SHOC2: variants seen among roughly 807,000 people sequenced by gnomAD.
The protein encoded by SHOC2 is SHOC2 leucine rich repeat scaffold protein, also known as leucine-rich repeat protein SHOC-2.
A neutral mutation model predicts 50.2 loss-of-function variants in SHOC2; 4 were observed. The ratio of observed to expected loss-of-function variants is 0.08; its 90% CI spans 0.04 to 0.18. The LOEUF (loss-of-function observed/expected upper bound fraction) is 0.18. SHOC2 is among the 10% of genes least tolerant of loss of function. The pLI is 1.00. For synonymous variants in SHOC2, 218 were observed against 244.5 expected (o/e 0.89, Z 1.01); for missense variants, 388 against 669.6 (o/e 0.58, Z 4.64).
Position 110,976,507 on chromosome 10 carries a change from T to TA in SHOC2, c.704-9120dup, listed in dbSNP as rs1432849018. 2.6e-5 allele frequency among the ~76,000 whole-genome samples: 4 copies of TA among 152,120 alleles called. No individual in the cohort carries two copies. In the East Asian group the frequency reaches 7.7e-4, roughly 29 times the overall value. ...TGTATCTTTTGTAGAGGCAGGGTCTTACCATATTGCCCAGAGTGGTCTTTA... is the reference window on the plus strand; with the variant it reads ...TGTATCTTTTGTAGAGGCAGGGTCTTAACCATATTGCCCAGAGTGGTCTTTA... On this transcript the variant is annotated intron_variant, in intron 2 of 8. Coordinates refer to ENST00000369452, the MANE Select transcript of SHOC2 (RefSeq NM_007373.4).
intron 3 of SHOC2, among the ~76,000 whole-genome samples, chr10:110,988,110 TAA>T (rs1203046921): frequency 6.6e-6 from 1 of 152,104 alleles, no homozygotes; most frequent in Non-Finnish European, 1.5e-5. Flanking sequence ...AGAAATAAAT[TAA>T]AAAGTTACAT....
At chr10:110,938,211 G>C (rs1430556466) in intron 1 of SHOC2, among the ~76,000 whole-genome samples, 14 of 152,072 alleles carry the variant, frequency 9.2e-5, no homozygotes, top group Admixed American at 9.2e-4. Context: ...TCTCTGATTT[G>C]AACATATTCT....
intron 2 of SHOC2, among the ~76,000 whole-genome samples, chr10:110,979,652 C>G (rs923790604): frequency 2.0e-5 from 3 of 152,178 alleles, no homozygotes; most frequent in African/African-American, 7.2e-5. Context: ...GATGTTAAAT[C>G]CAGCTTTCTC....
chr10:110,937,474 T>G (rs1847049570), intron 1 of SHOC2, among the ~76,000 whole-genome samples: 1 of 152,214 alleles, frequency 6.6e-6, no homozygotes, highest in Non-Finnish European at 1.5e-5. Flanking sequence ...TCACTGTATT[T>G]AGTAGACCCT....
At chr10:110,959,155 A>C (rs1847526411) in intron 1 of SHOC2, among the ~76,000 whole-genome samples, 2 of 152,260 alleles carry the variant, frequency 1.3e-5, no homozygotes, top group Non-Finnish European at 2.9e-5. Flanking sequence ...ACCAGAAAGC[A>C]ATGAAGAGCA....
chr10:110,919,665 G>C lies in SHOC2; in HGVS notation c.-235+8G>C. The stretch of plus-strand genomic sequence containing the variant: ...GAGTCGGGGCTCCTGACGGTAACTC[G>C]GGGCCGATGAGGCGGAGGGTGTCTG... On this transcript the variant is annotated splice_region_variant and intron_variant, in intron 1 of 8. Coordinates refer to ENST00000369452, the MANE Select transcript of SHOC2 (RefSeq NM_007373.4). 1 of 398,828 alleles carries C rather than the reference G, an allele frequency of 2.5e-6. No homozygotes were observed. The highest frequency in any genetic ancestry group is 4.4e-6 in the Non-Finnish European group (1 of 226,332). The allele number at this position is 398,828 out of a possible 1,614,324, so 24.7% of individuals were successfully genotyped here. A position where few individuals can be genotyped will look rare whatever the true frequency, so the allele number is the denominator to read the frequency against.
chr10:110,990,551 C>T (rs1191909330), intron 3 of SHOC2, among the ~76,000 whole-genome samples: 1 of 151,966 alleles, frequency 6.6e-6, no homozygotes, highest in African/African-American at 2.4e-5. Flanking sequence ...TTGTATCTAG[C>T]TCAGGGATTG....
chr10:110,981,833 A>G (rs1158690944), intron 2 of SHOC2, among the ~76,000 whole-genome samples: 2 of 147,430 alleles, frequency 1.4e-5, no homozygotes, highest in Non-Finnish European at 3.0e-5. Context: ...ATATTGTTGA[A>G]TTCAGTTTTC....
chr10:110,936,685 C>T (rs1450806535), intron 1 of SHOC2: 18 of 931,664 alleles, frequency 1.9e-5, no homozygotes, highest in Admixed American at 4.2e-5. Context: ...TCTCCATGTT[C>T]CTCTTGGCCT....
At chr10:110,942,637 A>G (rs189910317) in intron 1 of SHOC2, among the ~76,000 whole-genome samples, 1 of 152,270 alleles carries the variant, frequency 6.6e-6, no homozygotes, top group Admixed American at 6.5e-5. Flanking sequence ...ATACCAGGCT[A>G]CCTCTCTGTA....
At chr10:110,986,034 A>G in intron 3 of SHOC2, 1 of 349,870 alleles carries the variant, frequency 2.9e-6, no homozygotes, top group South Asian at 3.5e-5. Flanking sequence ...TTGAATTGCA[A>G]AATGGGTGGC....
chr10:110,976,906 C>A (rs1847888833), intron 2 of SHOC2, among the ~76,000 whole-genome samples: 1 of 152,024 alleles, frequency 6.6e-6, no homozygotes, highest in Admixed American at 6.5e-5. Flanking sequence ...TTAGACTTTA[C>A]ATTTTAAGTC....
chr10:111,002,887 A>G (rs1848404991), intron 4 of SHOC2, among the ~76,000 whole-genome samples: 1 of 152,174 alleles, frequency 6.6e-6, no homozygotes. Flanking sequence ...CAGTATTAAC[A>G]TTTTATCATA....
At chr10:110,968,082 CAGCAGTG>C in intron 2 of SHOC2, among the ~76,000 whole-genome samples, 1 of 152,260 alleles carries the variant, frequency 6.6e-6, no homozygotes, top group East Asian at 1.9e-4. Flanking sequence ...ACATTCCTAC[CAGCAGTG>C]TTTGAGGGTT....
intron 2 of SHOC2, among the ~76,000 whole-genome samples, chr10:110,967,783 T>C (rs1445371975): frequency 6.6e-6 from 1 of 152,210 alleles, no homozygotes; most frequent in Non-Finnish European, 1.5e-5. Context: ...CTCATCAAGG[T>C]TGTAGCATGT....
chr10:110,947,225 G>T (rs1415353213), intron 1 of SHOC2, among the ~76,000 whole-genome samples: 1 of 152,216 alleles, frequency 6.6e-6, no homozygotes, highest in Non-Finnish European at 1.5e-5. Flanking sequence ...CCCAGTGCCA[G>T]GCTGGCACCC....
At chr10:110,984,469 A>G (rs538495470) in intron 2 of SHOC2, among the ~76,000 whole-genome samples, 75 of 152,238 alleles carry the variant, frequency 4.9e-4, no homozygotes, top group South Asian at 3.3e-3. Flanking sequence ...TTCACTCTTC[A>G]TAGTATCCTC....
At chr10:111,003,454 GA>G (rs376242545) in intron 4 of SHOC2, among the ~76,000 whole-genome samples, 68 of 152,156 alleles carry the variant, frequency 4.5e-4, no homozygotes, top group African/African-American at 1.6e-3. Flanking sequence ...TTTAAATAGA[GA>G]AAGGACTTAA....
At chr10:110,923,910 A>G (rs1350952292) in intron 1 of SHOC2, among the ~76,000 whole-genome samples, 2 of 152,210 alleles carry the variant, frequency 1.3e-5, no homozygotes, top group Admixed American at 6.5e-5. Context: ...GCTGACAAAG[A>G]TAAATATTTT....
Sources: gnomAD v4.1 joint callset for allele counts (sites outside exome capture counted in the v4.1 genomes callset) on GRCh38, gnomAD v4.1.1 for gene constraint, MANE v1.5 for transcripts, NCBI Gene and HGNC (gene_info 2026-07-23, HGNC 2026-07-21) for gene names.